Variants in MED25 observed in about 807,000 individuals in gnomAD.
The protein encoded by MED25 is mediator complex subunit 25.
A neutral mutation model predicts 89.4 loss-of-function variants in MED25; 62 were observed. The observed-to-expected ratio is 0.69, with a 90% confidence interval of 0.57 to 0.86. The LOEUF (loss-of-function observed/expected upper bound fraction) is 0.86, where lower values mean the gene tolerates loss of function less well. Ranked by LOEUF, MED25 falls within the 40% of genes least tolerant of loss-of-function variation. The pLI is 0.00. For synonymous variants in MED25, 449 were observed against 427.9 expected, an observed-to-expected ratio of 1.05 and a Z score of -0.61; for missense variants, 905 against 1,005.2, an observed-to-expected ratio of 0.90 and a Z score of 1.35.
intron 3 of MED25, among the ~76,000 whole-genome samples, chr19:49,822,847 C>G (rs1012278248): frequency 2.6e-5 from 4 of 151,846 alleles, no homozygotes; most frequent in Non-Finnish European, 5.9e-5. Flanking sequence ...CAGGGTTTCA[C>G]TGTGTTAGCC....
intron 3 of MED25, among the ~76,000 whole-genome samples, chr19:49,822,749 G>A (rs919569646): frequency 2.1e-5 from 3 of 141,288 alleles, no homozygotes; most frequent in South Asian, 4.7e-4. Context: ...CCGAGTTCAC[G>A]CCATTCTCCT....
chr19:49,829,952 A>G lies in MED25; in HGVS notation c.688+4A>G, dbSNP rs2123878607. 1 of 1,608,464 alleles carries G rather than the reference A, an allele frequency of 6.2e-7. No homozygotes were observed. The highest frequency in any genetic ancestry group is 8.5e-7 in the Non-Finnish European group (1 of 1,176,204). On this transcript the variant is annotated splice_donor_region_variant and intron_variant, in intron 6 of 17. Coordinates refer to ENST00000312865, the MANE Select transcript of MED25 (RefSeq NM_030973.4). This position sits in a 1 kb window ranked among gnomAD's most constrained non-coding sequence, Gnocchi z 4.6. ...GTTCGGGGACTCGTGCTGCCTGGTG[A>G]GGCCTGGGCACCGTGCGCGGGGATG...
intron 3 of MED25, among the ~76,000 whole-genome samples, chr19:49,820,181 T>C (rs552521545): frequency 2.2e-4 from 34 of 152,216 alleles, no homozygotes; most frequent in African/African-American, 8.2e-4. Flanking sequence ...GGAGAATCTT[T>C]CATTGAGTGC....
chr19:49,836,111 C>A lies in MED25; in HGVS notation c.1966-115C>A. ...CGCCTCCTCTCCGTCCATCCCCCAC[C>A]TTTGAAGAAAAACTTCCCCTCACCA... On this transcript the variant is annotated intron_variant, in intron 16 of 17. Transcript: ENST00000312865. This position sits in a 1 kb window ranked among gnomAD's most constrained non-coding sequence, Gnocchi z 5.1. 1.3e-6 allele frequency: 2 copies of A among 1,518,540 alleles called. No homozygotes were observed. Among genetic ancestry groups the A allele is most frequent in the Non-Finnish European group, 9.0e-7 (1 of 1,115,136 alleles). The allele number at this position is 1,518,540 out of a possible 1,614,324, so 94.1% of individuals were successfully genotyped here. A position where few individuals can be genotyped will look rare whatever the true frequency, so the allele number is the denominator to read the frequency against.
chr19:49,835,601 A>C lies in MED25; in HGVS notation c.1742A>C (p.Asn581Thr), dbSNP rs2074090283. The C allele has an allele frequency of 6.4e-7, 1 of 1,561,364 alleles. No individual in the cohort carries two copies. The highest frequency in any genetic ancestry group is 1.9e-5 in the Admixed American group (1 of 52,884). ...ILEDQARPSQ[N>T]LLQLRPPQPQ... Reference sequence around the variant, plus strand: ...GAGGACCAAGCCAGGCCCTCACAGAATCTGGTGAGGACAGGGCTGGCGGGG... The same window carrying C: ...GAGGACCAAGCCAGGCCCTCACAGACTCTGGTGAGGACAGGGCTGGCGGGG... The change falls in exon 15 of 18, where the codon AAT (asparagine) becomes ACT (threonine). Residue 581 changes from asparagine (N) to threonine (T), a missense_variant. Physicochemically the swap from Asn to Thr is moderately conservative, Grantham distance 65. This residue lies in a region of MED25 where 271 missense variants were observed against 258.1 expected (regional missense o/e 1.05). Transcript: ENST00000312865. This position sits in a 1 kb window ranked among gnomAD's most constrained non-coding sequence, Gnocchi z 6.2.
At position 49,835,014 on chromosome 19, in the gene MED25, C is replaced by T. The variant is rs1479368676; in HGVS notation, c.1511C>T (p.Ala504Val). 6 of 1,613,986 alleles carry T rather than the reference C, an allele frequency of 3.7e-6. No individual in the cohort carries two copies. The highest frequency in any genetic ancestry group is 2.2e-5 in the South Asian group (2 of 91,086). The change falls in exon 14 of 18, where the codon GCG becomes GTG. Residue 504 changes from alanine (A) to valine (V), a missense_variant. This residue lies in a region of MED25 where 133 missense variants were observed against 220.2 expected (regional missense o/e 0.60). Transcript: ENST00000312865. This position sits in a 1 kb window ranked among gnomAD's most constrained non-coding sequence, Gnocchi z 6.2. Reference protein sequence around the residue: ...FAGCVHFPHTAPCEVRVLMLL... With the variant: ...FAGCVHFPHTVPCEVRVLMLL... ...GGCTGCGTGCACTTCCCCCACACGG[C>T]GCCCTGTGAGGTGCGCGTGCTCATG...
intron 3 of MED25, among the ~76,000 whole-genome samples, chr19:49,826,644 A>G (rs1251059050): frequency 6.6e-6 from 1 of 152,220 alleles, no homozygotes; most frequent in Non-Finnish European, 1.5e-5. Context: ...GGGTGCGGAG[A>G]GAAGCTTGAC....
chr19:49,820,756 C>T (rs1037665208), intron 3 of MED25, among the ~76,000 whole-genome samples: 2 of 152,048 alleles, frequency 1.3e-5, no homozygotes, highest in Admixed American at 6.6e-5. Flanking sequence ...CTTTAATTTC[C>T]TGCCTCACCA....
At position 49,819,266 on chromosome 19, in the gene MED25, A is replaced by T. The variant is rs549136898; in HGVS notation, c.275A>T (p.Tyr92Phe). 3.5e-4 allele frequency: 571 copies of T among 1,614,174 alleles called. 11 individuals are homozygous for T. In the South Asian group the frequency reaches 6.0e-3, roughly 17 times the overall value. Residue 92 changes from tyrosine (Y) to phenylalanine (F), a missense_variant, in exon 3 of 18, where the codon TAT becomes TTT. Physicochemically the swap from Tyr to Phe is conservative, Grantham distance 22 (BLOSUM62 3). Transcript: ENST00000312865. ...VQCHAPTSSA[Y>F]EFVTWLDGIK... is the part of the protein sequence containing the mutation. ...TGTCACGCTCCCACCAGCAGCGCCT[A>T]TGAGTTTGTCACCTGGCTCGATGGC...
At position 49,818,587 on chromosome 19, in the gene MED25, C is replaced by T. The variant is rs147869920; in HGVS notation, c.151C>T (p.Pro51Ser). ...CCCTCACAGGTATTTTAATGGTGGT[C>T]CTCCTGCTGAGACGGACTTCGGGGG... ...LPAIEYFNGG[P>S]PAETDFGGDY... Residue 51 changes from proline to serine, a missense_variant, in exon 2 of 18, where the codon CCT (proline) becomes TCT (serine). By Grantham distance (74) the Pro-to-Ser change is moderately conservative. Around this residue, in one of 3 missense-constraint regions of MED25, gnomAD observed 501 missense variants for 526.9 expected, o/e 0.95. Transcript: ENST00000312865. The T allele has an allele frequency of 1.7e-4, 278 of 1,614,144 alleles. No individual in the cohort carries two copies. The African/African-American group carries it at 3.3e-3, about 19-fold the overall frequency.
chr19:49,827,628 C>T (rs1324589129), intron 3 of MED25, among the ~76,000 whole-genome samples: 2 of 152,156 alleles, frequency 1.3e-5, no homozygotes, highest in African/African-American at 2.4e-5. Context: ...CAATTTAACT[C>T]GATTACCTGT....
At position 49,829,424 on chromosome 19, in the gene MED25, G is replaced by C. The variant is rs2074037464; in HGVS notation, c.525+334G>C. Among the ~76,000 whole-genome samples, 1 of 152,050 alleles carries C rather than the reference G, an allele frequency of 6.6e-6. No homozygotes were observed. Among genetic ancestry groups the C allele is most frequent in the Admixed American group, 6.6e-5 (1 of 15,264 alleles). On this transcript the variant is annotated intron_variant, in intron 5 of 17. Transcript: ENST00000312865. This position sits in a 1 kb window ranked among gnomAD's most constrained non-coding sequence, Gnocchi z 4.6. The stretch of plus-strand genomic sequence containing the variant: ...CTCCCGAGTAGCTGGGATTATAGAC[G>C]CCCGCCACCACGCCCAGCTGATTTT...
Position 49,832,439 on chromosome 19 carries a change from G to A in MED25, c.1482+24G>A, listed in dbSNP as rs1045864733. On this transcript the variant is annotated intron_variant, in intron 13 of 17. Transcript: ENST00000312865. ...TCGTGAGTCCAGGGCATGGGGGGCCGAGGGGTGTTGACTCTTGTCCTGCTT... is the reference window on the plus strand; with the variant it reads ...TCGTGAGTCCAGGGCATGGGGGGCCAAGGGGTGTTGACTCTTGTCCTGCTT... 6.0e-6 allele frequency: 8 copies of A among 1,336,908 alleles called. 1 individual carries two copies. Among genetic ancestry groups the A allele is most frequent in the South Asian group, 3.6e-5 (3 of 83,130 alleles). The allele number at this position is 1,336,908 out of a possible 1,614,324, so 82.8% of individuals were successfully genotyped here.
chr19:49,828,488 G>A lies in MED25; in HGVS notation c.345G>A (p.Ala115=), dbSNP rs1386470661. ...GTGGTGAGAGCTGCAGCCTCATCGC[G>A]GAAGGACTCAGCACAGCCTTGCAGC... is the stretch of plus-strand genomic sequence containing the variant. ...GGGGESCSLI[A]EGLSTALQLF... is the part of the protein sequence containing the mutation. The change falls in exon 4 of 18, where the codon GCG becomes GCA. Residue 115 remains alanine, a synonymous_variant. Coordinates refer to ENST00000312865, the MANE Select transcript of MED25 (RefSeq NM_030973.4). 8.7e-6 allele frequency: 14 copies of A among 1,614,120 alleles called. No individual in the cohort carries two copies. The highest frequency in any genetic ancestry group is 1.1e-5 in the Non-Finnish European group (13 of 1,180,004).
At chr19:49,822,301 C>T (rs187945313) in intron 3 of MED25, among the ~76,000 whole-genome samples, 1,801 of 98,086 alleles carry the variant, frequency 0.018, 112 homozygotes, top group Admixed American at 0.15. Flanking sequence ...AAAAATTAAT[C>T]AGGTGTGGTG....
At position 49,835,584 on chromosome 19, in the gene MED25, A is replaced by C. The variant is rs1225373432; in HGVS notation, c.1725A>C (p.Gln575His). The C allele has an allele frequency of 6.4e-7, 1 of 1,565,968 alleles. No homozygotes were observed. Among genetic ancestry groups the C allele is most frequent in the Non-Finnish European group, 8.7e-7 (1 of 1,155,770 alleles). The change falls in exon 15 of 18, where the codon CAA becomes CAC. Residue 575 changes from glutamine to histidine, a missense_variant. This residue lies in a region of MED25 where 271 missense variants were observed against 258.1 expected (regional missense o/e 1.05). Coordinates refer to ENST00000312865, the MANE Select transcript of MED25 (RefSeq NM_030973.4). This position sits in a 1 kb window ranked among gnomAD's most constrained non-coding sequence, Gnocchi z 6.2. ...PPGLGPILEDQARPSQNLLQL... is the reference protein window; with the variant it reads ...PPGLGPILEDHARPSQNLLQL... ...GGCTGGGGCCCATTCTGGAGGACCA[A>C]GCCAGGCCCTCACAGAATCTGGTGA...
Position 49,831,277 on chromosome 19 carries a change from C to T in MED25, c.1102-56C>T. On this transcript the variant is annotated intron_variant, in intron 9 of 17. Coordinates refer to ENST00000312865, the MANE Select transcript of MED25 (RefSeq NM_030973.4). This position sits in a 1 kb window ranked among gnomAD's most constrained non-coding sequence, Gnocchi z 5.0. ...CCTGGTTTGCCCTCACAGGATGGCC[C>T]CCGGAGGCTCCCGGCCTTCCCCATT... 1 of 1,578,956 alleles carries T rather than the reference C, an allele frequency of 6.3e-7. No homozygotes were observed. The highest frequency in any genetic ancestry group is 1.1e-5 in the South Asian group (1 of 87,162).
At chr19:49,837,573 C>T (rs1031417733), downstream of MED25, among the ~76,000 whole-genome samples, 2 of 151,944 alleles carry the variant, frequency 1.3e-5, no homozygotes, top group Non-Finnish European at 2.9e-5. Context: ...AGCTGTAGAG[C>T]GTGATGAGGC....
rs2073963450 is a variant in MED25, at chr19:49,819,167, C to T, written c.181-5C>T. ...GATTAAAAGTTTTCTGTCCTCCCCT[C>T]CCAGTATGGGGGGACCCAGTACAGC... On this transcript the variant is annotated splice_region_variant and splice_polypyrimidine_tract_variant and intron_variant, in intron 2 of 17. Coordinates refer to ENST00000312865, the MANE Select transcript of MED25 (RefSeq NM_030973.4). 6.2e-7 allele frequency: 1 copy of T among 1,614,176 alleles called. No individual in the cohort carries two copies. Among genetic ancestry groups the T allele is most frequent in the African/African-American group, 1.3e-5 (1 of 75,062 alleles).
Sources: allele counts gnomAD v4.1 joint callset (sites outside exome capture counted in the v4.1 genomes callset), GRCh38; gene constraint gnomAD v4.1.1; regional missense constraint gnomAD v4.1.1; non-coding constraint Gnocchi (gnomAD v3.1); transcripts MANE v1.5; gene names NCBI Gene and HGNC (gene_info 2026-07-23, HGNC 2026-07-21).